COL6A3: variants seen among roughly 807,000 people sequenced by gnomAD.
COL6A3 encodes collagen type VI alpha 3 chain, also known as collagen alpha-3(VI) chain.
COL6A3 carries 137 observed loss-of-function variants against 274.1 expected under a neutral mutation model. The observed-to-expected ratio is 0.50, with a 90% confidence interval of 0.44 to 0.58. COL6A3 has a LOEUF of 0.58. COL6A3 is among the 20% of genes least tolerant of loss of function. The probability of loss-of-function intolerance (pLI) is 0.00; values close to 1 mark genes in which losing one functional copy is unlikely to be tolerated. For missense variants in COL6A3, 3,950 were observed against 4,124.9 expected (o/e 0.96, Z 1.16); for synonymous variants, 1,650 against 1,650.6 (o/e 1.00, Z 0.01).
At chr2:237,367,355 G>A in intron 10 of COL6A3, 69 bp from the exon 11 acceptor site, 1 of 1,526,312 alleles carries the variant, frequency 6.6e-7, no homozygotes, top group East Asian at 2.3e-5. Flanking sequence ...TACACAAAAG[G>A]TAAAATTAAA....
chr2:237,377,888 G>A (rs1003959423), intron 6 of COL6A3, among the ~76,000 whole-genome samples: 3 of 152,206 alleles, frequency 2.0e-5, no homozygotes, highest in African/African-American at 7.2e-5. Context: ...CTGCTGTGTG[G>A]GTCAGGCTCC....
chr2:237,351,275 A>T, intron 26 of COL6A3, 83 bp from the exon 27 acceptor site: 1 of 1,372,150 alleles, frequency 7.3e-7, no homozygotes, highest in South Asian at 1.2e-5. Flanking sequence ...TCTCCCCTGC[A>T]TGGAAGTCAG....
At position 237,340,599 on chromosome 2, in the gene COL6A3, C is replaced by T. The variant is rs756294311; in HGVS notation, c.8317G>A (p.Gly2773Ser). 1.1e-5 allele frequency: 17 copies of T among 1,614,190 alleles called. No homozygotes were observed. The Admixed American group carries it at 1.3e-4, about 13-fold the overall frequency. The change falls in exon 38 of 44, where the codon GGC becomes AGC. Residue 2773 changes from glycine (G) to serine (S), a missense_variant. Physicochemically the swap from Gly to Ser is moderately conservative, Grantham distance 56. This residue lies in a region of COL6A3 where 1,284 missense variants were observed against 1,349.7 expected (regional missense o/e 0.95). Coordinates refer to ENST00000295550, the MANE Select transcript of COL6A3 (RefSeq NM_004369.4). Reference sequence around the variant, plus strand: ...TTGATGTTCACCTTCCTGCCAATGCCCAGGACCACGAAGAAGTAGCCCTTG... The same window carrying T: ...TTGATGTTCACCTTCCTGCCAATGCTCAGGACCACGAAGAAGTAGCCCTTG... The part of the protein sequence containing the change: ...KCKGYFFVVL[G>S]IGRKVNIKEV...
rs1553032 is a variant in COL6A3 at position 237,396,568 on chromosome 2, C to T, written c.91+159G>A. On this transcript the variant is annotated intron_variant, in intron 2 of 43. Transcript: ENST00000295550. ...ACTGGATAAAGAGTATCTGAAAAGG[C>T]CTATAAATCCTAGAACTATCCTATC... Among the ~76,000 whole-genome samples, 107,235 of 152,208 alleles carry T rather than the reference C, an allele frequency of 0.7. 38,075 individuals are homozygous for T. Among genetic ancestry groups the T allele is most frequent in the East Asian group, 0.82 (4,261 of 5,192 alleles).
rs962136927 is a variant in COL6A3 at position 237,364,756 on chromosome 2, G to A, written c.5839-328C>T. On this transcript the variant is annotated intron_variant, in intron 12 of 43. Coordinates refer to ENST00000295550, the MANE Select transcript of COL6A3 (RefSeq NM_004369.4). This position sits in a 1 kb window ranked among gnomAD's most constrained non-coding sequence, Gnocchi z 4.6. ...CATGCATGTGTGCGTGCATGTGTGT[G>A]CATGTGTGTGGGTACATATGTGTGT... 3.3e-5 allele frequency among the ~76,000 whole-genome samples: 5 copies of A among 151,930 alleles called. No homozygotes were observed.
chr2:237,358,728 C>G (rs1022085781), intron 20 of COL6A3, 145 bp from the exon 21 acceptor site: 22 of 824,486 alleles, frequency 2.7e-5, no homozygotes, highest in Admixed American at 8.0e-5. Context: ...TTCACTTCCA[C>G]ATATTTTTCA....
chr2:237,341,047 G>A lies in COL6A3; in HGVS notation c.7869C>T (p.Ile2623=). Residue 2623 remains isoleucine, a synonymous_variant, in exon 38 of 44, where the codon ATC becomes ATT. Transcript: ENST00000295550. ...GSDVDIDMAF[I]LDSAETTTLF... is the part of the protein sequence containing the mutation. Reference sequence around the variant, plus strand: ...GGGTGGTGGTCTCAGCGCTGTCTAAGATGAAAGCCATGTCGATGTCCACAT... The same window carrying A: ...GGGTGGTGGTCTCAGCGCTGTCTAAAATGAAAGCCATGTCGATGTCCACAT... 6.2e-7 allele frequency: 1 copy of A among 1,614,174 alleles called. No homozygotes were observed.
Position 237,344,563 on chromosome 2 carries a change from C to CT in COL6A3, c.7454dup (p.Ser2486GlufsTer15). ...CAAACGACATGGCAGTCTCCAGACT[C>CT]TGCTGTTTGGATGTCAGAGCCACCT... On this transcript the variant is annotated frameshift_variant, in exon 36 of 44. Transcript: ENST00000295550. LOFTEE classifies it high-confidence loss of function. The surrounding 1 kb of genome is among the most constrained non-coding windows in gnomAD (Gnocchi z 4.8). 1 of 1,614,196 alleles carries CT rather than the reference C, an allele frequency of 6.2e-7. No homozygotes were observed. Among genetic ancestry groups the CT allele is most frequent in the Non-Finnish European group, 8.5e-7 (1 of 1,180,036 alleles).
In COL6A3 at chr2:237,372,174, C is replaced by A. The variant is rs753784840; in HGVS notation, c.3843G>T (p.Lys1281Asn). 6 of 1,614,150 alleles carry A rather than the reference C, an allele frequency of 3.7e-6. No individual in the cohort carries two copies. The highest frequency in any genetic ancestry group is 5.1e-6 in the Non-Finnish European group (6 of 1,180,046). The change falls in exon 9 of 44, where the codon AAG becomes AAT. Residue 1281 changes from lysine (K) to asparagine (N), a missense_variant. Around this residue, in one of 5 missense-constraint regions of COL6A3, gnomAD observed 1,934 missense variants for 1,984.3 expected, o/e 0.97. Transcript: ENST00000295550. ...VAVIQFSDDP[K>N]VEFLLNAHSS... ...AATGGGCGTTCAGCAGGAACTCCAC[C>A]TTGGGGTCATCGCTGAACTGGATGA... is the stretch of plus-strand genomic sequence containing the variant.
At chr2:237,353,204 G>T in intron 25 of COL6A3, 137 bp downstream of exon 25, 1 of 822,686 alleles carries the variant, frequency 1.2e-6, no homozygotes, top group Non-Finnish European at 2.0e-6. Context: ...TGATTGCACA[G>T]CATTGTGGAA....
intron 23 of COL6A3, 181 bp from the exon 24 acceptor site, chr2:237,355,115 A>T (rs1049418307): frequency 1.0e-5 from 6 of 579,808 alleles, no homozygotes; most frequent in Non-Finnish European, 1.9e-5. Flanking sequence ...ACTCGCACAC[A>T]CAGACACCCT....
chr2:237,325,064 C>G (rs1002988486), intron 43 of COL6A3, among the ~76,000 whole-genome samples: 5 of 152,110 alleles, frequency 3.3e-5, no homozygotes, highest in African/African-American at 1.2e-4. Flanking sequence ...CACCATCTAC[C>G]AGGCCTTTAT....
intron 43 of COL6A3, among the ~76,000 whole-genome samples, chr2:237,325,139 C>G (rs974034044): frequency 1.3e-5 from 2 of 152,150 alleles, no homozygotes; most frequent in Non-Finnish European, 2.9e-5. Flanking sequence ...TATTTTATTA[C>G]CAGTTGAACT....
At chr2:237,355,714 C>A (rs891867283) in intron 23 of COL6A3, 2 of 152,188 alleles carry the variant, frequency 1.3e-5, no homozygotes, top group Non-Finnish European at 2.9e-5. Flanking sequence ...AACCTAGGAA[C>A]CTCACTCTCC....
Position 237,366,844 on chromosome 2 carries a change from G to A in COL6A3, c.5343C>T (p.Ile1781=), listed in dbSNP as rs767676914. The change falls in exon 11 of 44, where the codon ATC becomes ATT. Residue 1781 remains isoleucine (I), a synonymous_variant. Coordinates refer to ENST00000295550, the MANE Select transcript of COL6A3 (RefSeq NM_004369.4). ...CTATCTTTCCAACCTCCTCCGAGTC[G>A]ATATTCCTCACTCCAACAGCAAACA... ...VKVFAVGVRN[I]DSEEVGKIAS... is the part of the protein sequence containing the mutation. 1.2e-5 allele frequency: 20 copies of A among 1,614,106 alleles called. No homozygotes were observed. In the East Asian group the frequency reaches 2.0e-4, roughly 16 times the overall value.
At position 237,354,156 on chromosome 2, in the gene COL6A3, C is replaced by T. The variant is rs564072633; in HGVS notation, c.6627+743G>A. Reference sequence around the variant, plus strand: ...GCTCCTGAGTAGCTGGAATTACAAGCTTACAAGCATGCACCACCACGCCTG... The same window carrying T: ...GCTCCTGAGTAGCTGGAATTACAAGTTTACAAGCATGCACCACCACGCCTG... On this transcript the variant is annotated intron_variant, in intron 24 of 43. Transcript: ENST00000295550. Among the ~76,000 whole-genome samples the T allele has an allele frequency of 2.0e-5, 3 of 151,982 alleles. No individual in the cohort carries two copies. The South Asian group carries it at 6.3e-4, about 32-fold the overall frequency.
chr2:237,336,056 A>C, intron 40 of COL6A3, 79 bp downstream of exon 40: 3 of 1,544,428 alleles, frequency 1.9e-6, no homozygotes, highest in Non-Finnish European at 1.8e-6. Context: ...AGTGTGTTAC[A>C]TGCAGGCTTT....
chr2:237,359,333 A>G (rs1362259266), intron 18 of COL6A3, 29 bp downstream of exon 18: 2 of 1,614,086 alleles, frequency 1.2e-6, no homozygotes. Context: ...AGAGTTTTCC[A>G]TTTGTAAAAC....
rs1014396504 is a variant in COL6A3 at position 237,359,405 on chromosome 2, T to C, written c.6283-17A>G. On this transcript the variant is annotated splice_polypyrimidine_tract_variant and intron_variant, in intron 17 of 43. Transcript: ENST00000295550. ...CCGAGAGCCCTAGAAGGCAAGGCGATAGGGGAAGCATTAGCTTTTCCTGCA... is the reference window on the plus strand; with the variant it reads ...CCGAGAGCCCTAGAAGGCAAGGCGACAGGGGAAGCATTAGCTTTTCCTGCA... 8.1e-6 allele frequency: 13 copies of C among 1,613,554 alleles called. No homozygotes were observed. Among genetic ancestry groups the C allele is most frequent in the East Asian group, 2.2e-5 (1 of 44,898 alleles).
Sources: gnomAD v4.1 joint callset for allele counts (sites outside exome capture counted in the v4.1 genomes callset) on GRCh38, gnomAD v4.1.1 for gene constraint, gnomAD v4.1.1 regional missense constraint, Gnocchi (gnomAD v3.1) non-coding constraint, MANE v1.5 for transcripts, NCBI Gene and HGNC (gene_info 2026-07-23, HGNC 2026-07-21) for gene names.